Variants in SDK1 observed in about 807,000 individuals in gnomAD.
SDK1 encodes the protein protein sidekick-1.
In SDK1, 157 loss-of-function variants were observed where a neutral mutation model predicts 245.5. The ratio of observed to expected loss-of-function variants is 0.64; its 90% CI spans 0.56 to 0.73. The LOEUF is 0.73. SDK1 is among the 30% of genes least tolerant of loss of function. SDK1 has a pLI of 0.00. For synonymous variants in SDK1, 1,647 were observed against 1,278.5 expected, an observed-to-expected ratio of 1.29 and a Z score of -6.15; for missense variants, 3,583 against 3,002.3, an observed-to-expected ratio of 1.19 and a Z score of -4.52.
At chr7:3,983,704 A>G (rs1783597199) in intron 13 of SDK1, among the ~76,000 whole-genome samples, 1 of 152,230 alleles carries the variant, frequency 6.6e-6, no homozygotes, top group Non-Finnish European at 1.5e-5. Context: ...ACATTATGAA[A>G]CAGGTGATAT....
At chr7:4,124,637 G>A (rs1784265078) in intron 25 of SDK1, among the ~76,000 whole-genome samples, 1 of 152,190 alleles carries the variant, frequency 6.6e-6, no homozygotes, top group African/African-American at 2.4e-5. Flanking sequence ...AAGGATTCAG[G>A]GGGCACAGGT....
At position 4,142,962 on chromosome 7, in the gene SDK1, G is replaced by A. The variant is rs149879210; in HGVS notation, c.4229-2760G>A. On this transcript the variant is annotated intron_variant, in intron 28 of 44. Coordinates refer to ENST00000404826, the MANE Select transcript of SDK1 (RefSeq NM_152744.4). Reference sequence around the variant, plus strand: ...CAGCCGCCCAGAGACCTCAGAATTAGGGTCATTCTCCCAGCCCCGAGGAAG... The same window carrying A: ...CAGCCGCCCAGAGACCTCAGAATTAAGGTCATTCTCCCAGCCCCGAGGAAG... Among the ~76,000 whole-genome samples, 1,348 of 152,300 alleles carry A rather than the reference G, an allele frequency of 8.9e-3. 26 individuals carry two copies. The highest frequency in any genetic ancestry group is 0.031 in the African/African-American group (1,277 of 41,568).
Position 3,400,343 on chromosome 7 carries a change from T to C in SDK1, c.298+98459T>C, listed in dbSNP as rs187902738. On this transcript the variant is annotated intron_variant, in intron 1 of 44. Coordinates refer to ENST00000404826, the MANE Select transcript of SDK1 (RefSeq NM_152744.4). ...TTTTCAAAAAAGTTGATTTTGAAAA[T>C]TGTGGCAGCATTTTCATTGTTTTTA... is the stretch of plus-strand genomic sequence containing the variant. 2.4e-3 allele frequency among the ~76,000 whole-genome samples: 365 copies of C among 152,252 alleles called. 1 individual carries two copies. The highest frequency in any genetic ancestry group is 8.6e-3 in the African/African-American group (357 of 41,544).
chr7:4,242,580 C>T (rs911574053), intron 43 of SDK1, among the ~76,000 whole-genome samples: 4 of 152,160 alleles, frequency 2.6e-5, no homozygotes, highest in African/African-American at 7.2e-5. Context: ...GGGTCTTGAG[C>T]GTCTGGAAGG....
chr7:3,343,366 T>C (rs1373086584), intron 1 of SDK1, among the ~76,000 whole-genome samples: 1 of 152,218 alleles, frequency 6.6e-6, no homozygotes, highest in East Asian at 1.9e-4. Flanking sequence ...GCACCTACTG[T>C]GAATCTCCAC....
At chr7:3,382,365 C>T (rs538160691) in intron 1 of SDK1, among the ~76,000 whole-genome samples, 22 of 152,290 alleles carry the variant, frequency 1.4e-4, no homozygotes, top group Non-Finnish European at 2.8e-4. Context: ...AGAATTTGAA[C>T]CACGTATCTG....
intron 4 of SDK1, among the ~76,000 whole-genome samples, chr7:3,782,089 C>T (rs1780763507): frequency 6.6e-6 from 1 of 152,120 alleles, no homozygotes; most frequent in African/African-American, 2.4e-5. Flanking sequence ...AAGGAATACC[C>T]AAGACTGGGT....
chr7:4,013,617 A>G (rs1303771221), intron 16 of SDK1, among the ~76,000 whole-genome samples: 1 of 152,188 alleles, frequency 6.6e-6, no homozygotes, highest in Non-Finnish European at 1.5e-5. Context: ...ATAGCCATCC[A>G]TTCATCATTT....
At chr7:4,233,559 T>C in intron 41 of SDK1, 140 bp downstream of exon 41, 1 of 793,508 alleles carries the variant, frequency 1.3e-6, no homozygotes, top group African/African-American at 1.7e-5. Flanking sequence ...GAGGTCTGTC[T>C]TCTCCTGAAG....
intron 4 of SDK1, among the ~76,000 whole-genome samples, chr7:3,676,488 G>A (rs958713182): frequency 6.6e-6 from 1 of 152,042 alleles, no homozygotes; most frequent in Non-Finnish European, 1.5e-5. Context: ...ACCACGCCCA[G>A]CTAATTTTTT....
intron 1 of SDK1, among the ~76,000 whole-genome samples, chr7:3,549,740 A>G (rs1488156184): frequency 6.6e-6 from 1 of 152,190 alleles, no homozygotes; most frequent in Non-Finnish European, 1.5e-5. Flanking sequence ...TGATCTTTCT[A>G]TAAACAGCTT....
At position 3,529,544 on chromosome 7, in the gene SDK1, A is replaced by G. The variant is rs767385291; in HGVS notation, c.299-89536A>G. ...TACATTAAATAAATGGGAGAGAAGC[A>G]AAGTTTGTTGTTGTTGTTGTTGTTG... On this transcript the variant is annotated intron_variant, in intron 1 of 44. Transcript: ENST00000404826. 3.9e-4 allele frequency among the ~76,000 whole-genome samples: 60 copies of G among 151,950 alleles called. 1 individual carries two copies. The highest frequency in any genetic ancestry group is 1.6e-4 in the Non-Finnish European group (11 of 68,020).
intron 5 of SDK1, among the ~76,000 whole-genome samples, chr7:3,940,676 C>A (rs1351833073): frequency 6.6e-6 from 1 of 151,996 alleles, no homozygotes; most frequent in Non-Finnish European, 1.5e-5. Flanking sequence ...CAAAAAATAG[C>A]CGGGTGTCGT....
At chr7:4,005,619 C>T (rs1049150941) in intron 14 of SDK1, among the ~76,000 whole-genome samples, 33 of 152,064 alleles carry the variant, frequency 2.2e-4, no homozygotes, top group African/African-American at 7.7e-4. Context: ...AAAAGAGGCG[C>T]AGTAAGACCT....
Position 3,962,785 on chromosome 7 carries a change from A to G in SDK1, c.1363A>G (p.Ile455Val). The change falls in exon 9 of 45, where the codon ATC (isoleucine) becomes GTC (valine). Residue 455 changes from isoleucine (I) to valine (V), a missense_variant. Physicochemically the swap from Ile to Val is conservative, Grantham distance 29. Coordinates refer to ENST00000404826, the MANE Select transcript of SDK1 (RefSeq NM_152744.4). ...IQKLRPEDSG[I>V]FQCFASNEGG... is the part of the protein sequence containing the mutation. ...GAAGCTGCGTCCAGAGGACTCCGGAATCTTCCAGTGCTTCGCCAGCAATGA... is the reference window on the plus strand; with the variant it reads ...GAAGCTGCGTCCAGAGGACTCCGGAGTCTTCCAGTGCTTCGCCAGCAATGA... 1.2e-6 allele frequency: 2 copies of G among 1,613,738 alleles called. No individual in the cohort carries two copies. The highest frequency in any genetic ancestry group is 1.1e-5 in the South Asian group (1 of 91,062).
intron 1 of SDK1, among the ~76,000 whole-genome samples, chr7:3,410,548 A>G (rs1318444417): frequency 6.6e-6 from 1 of 150,652 alleles, no homozygotes; most frequent in Admixed American, 6.6e-5. Context: ...CAAAGGTTGC[A>G]TAACTCATAA....
chr7:3,632,016 T>A (rs1782307874), intron 2 of SDK1, among the ~76,000 whole-genome samples: 2 of 152,230 alleles, frequency 1.3e-5, no homozygotes. Context: ...CTTTAATCCT[T>A]GATATAATGG....
intron 5 of SDK1, among the ~76,000 whole-genome samples, chr7:3,908,793 G>A (rs1779051751): frequency 1.3e-5 from 2 of 151,950 alleles, no homozygotes; most frequent in Non-Finnish European, 2.9e-5. Context: ...TCAGGAAAAG[G>A]AAGCATTTTT....
intron 18 of SDK1, among the ~76,000 whole-genome samples, chr7:4,051,255 A>C (rs920362809): frequency 4.9e-5 from 7 of 143,904 alleles, no homozygotes; most frequent in Non-Finnish European, 1.1e-4. Flanking sequence ...TAGGTTGTAT[A>C]TAATATATAT....
Sources: gnomAD v4.1 joint callset for allele counts (sites outside exome capture counted in the v4.1 genomes callset) on GRCh38, gnomAD v4.1.1 for gene constraint, MANE v1.5 for transcripts, NCBI Gene and HGNC (gene_info 2026-07-23, HGNC 2026-07-21) for gene names.